PLSCR1: variants seen among roughly 807,000 people sequenced by gnomAD.
The protein encoded by PLSCR1 is PL scramblase 1.
Under a neutral mutation model 37.8 loss-of-function variants are expected in PLSCR1, and 17 were observed. The ratio of observed to expected loss-of-function variants is 0.45; its 90% CI spans 0.31 to 0.68. The LOEUF (loss-of-function observed/expected upper bound fraction) is 0.68, where lower values mean the gene tolerates loss of function less well. Ranked by LOEUF, PLSCR1 falls within the 30% of genes least tolerant of loss-of-function variation. The probability of loss-of-function intolerance (pLI) is 0.06; values close to 1 mark genes in which losing one functional copy is unlikely to be tolerated. For missense variants in PLSCR1, 347 were observed against 380.9 expected, an observed-to-expected ratio of 0.91 and a Z score of 0.74; for synonymous variants, 116 against 125.9, an observed-to-expected ratio of 0.92 and a Z score of 0.53.
intron 1 of PLSCR1, among the ~76,000 whole-genome samples, chr3:146,541,645 A>G (rs78709887): frequency 0.049 from 7,411 of 152,280 alleles, 213 homozygotes; most frequent in African/African-American, 0.059. Context: ...TTTCTTATGT[A>G]AGACAGAAAA....
At chr3:146,537,268 C>T (rs1212159577) in intron 1 of PLSCR1, among the ~76,000 whole-genome samples, 2 of 152,148 alleles carry the variant, frequency 1.3e-5, no homozygotes, top group Non-Finnish European at 2.9e-5. Context: ...CTTCCAGTGC[C>T]TTGATCCGAT....
At chr3:146,528,236 G>C (rs1325741261) in intron 4 of PLSCR1, 2 of 193,746 alleles carry the variant, frequency 1.0e-5, no homozygotes, top group Non-Finnish European at 2.1e-5. Context: ...TCACCCCAGA[G>C]TGAGCTATAT....
chr3:146,520,896 T>A (rs1295694644), intron 7 of PLSCR1, among the ~76,000 whole-genome samples: 2 of 152,166 alleles, frequency 1.3e-5, no homozygotes, highest in African/African-American at 4.8e-5. Context: ...TTTAAACATT[T>A]GCAATGAAAA....
intron 1 of PLSCR1, 59 bp from the exon 2 acceptor site, chr3:146,536,624 A>T (rs751789260): frequency 1.7e-5 from 17 of 978,294 alleles, no homozygotes; most frequent in Non-Finnish European, 2.6e-5. Context: ...CAAATATAAC[A>T]GTTGAATCGG....
chr3:146,520,900 A>G (rs2044009339), intron 7 of PLSCR1, among the ~76,000 whole-genome samples: 1 of 152,200 alleles, frequency 6.6e-6, no homozygotes, highest in South Asian at 2.1e-4. Flanking sequence ...AACATTTGCA[A>G]TGAAAAAATT....
intron 7 of PLSCR1, among the ~76,000 whole-genome samples, chr3:146,519,006 G>A (rs2043983196): frequency 6.6e-6 from 1 of 152,078 alleles, no homozygotes; most frequent in Non-Finnish European, 1.5e-5. Flanking sequence ...TAGGATCTAG[G>A]TATGTAGCAA....
In PLSCR1 at chr3:146,517,439, C is replaced by T. The variant is rs1242214001; in HGVS notation, c.739-272G>A. On this transcript the variant is annotated intron_variant, in intron 7 of 8. Transcript: ENST00000342435. The stretch of plus-strand genomic sequence containing the variant: ...ACATTAATAAATTATTTGAATTGAC[C>T]CAAAAGAAAATTTAAGCAAAAAAGG... The T allele has an allele frequency of 2.3e-5, 4 of 173,482 alleles. No homozygotes were observed. The East Asian group carries it at 4.2e-4, about 18-fold the overall frequency. 10.7% of individuals were successfully genotyped at this position (173,482 alleles called of 1,614,324 possible).
chr3:146,542,154 T>C (rs944265236), intron 1 of PLSCR1, among the ~76,000 whole-genome samples: 8 of 152,306 alleles, frequency 5.3e-5, no homozygotes, highest in African/African-American at 1.9e-4. Context: ...GAGCAACACC[T>C]TATTCCACAC....
At chr3:146,535,565 T>C (rs2044255561) in intron 2 of PLSCR1, among the ~76,000 whole-genome samples, 2 of 152,226 alleles carry the variant, frequency 1.3e-5, no homozygotes. Context: ...CACACACATA[T>C]ACACATTTTA....
chr3:146,525,948 C>A (rs2108637118), intron 4 of PLSCR1, among the ~76,000 whole-genome samples: 1 of 151,450 alleles, frequency 6.6e-6, no homozygotes, highest in Admixed American at 6.6e-5. Flanking sequence ...CTTTGGGAGG[C>A]CAAAGTGGGC....
At chr3:146,525,002 C>G (rs2044087054) in intron 5 of PLSCR1, among the ~76,000 whole-genome samples, 2 of 152,028 alleles carry the variant, frequency 1.3e-5, no homozygotes, top group African/African-American at 4.8e-5. Context: ...AATTGGCTTC[C>G]TAGGTTTATT....
At chr3:146,541,088 C>G (rs545677412) in intron 1 of PLSCR1, 1 of 151,964 alleles carries the variant, frequency 6.6e-6, no homozygotes, top group Admixed American at 6.6e-5. Context: ...TTGTAAGATA[C>G]GGGATGAAAC....
At chr3:146,539,006 G>A (rs910637321) in intron 1 of PLSCR1, among the ~76,000 whole-genome samples, 1 of 152,180 alleles carries the variant, frequency 6.6e-6, no homozygotes, top group African/African-American at 2.4e-5. Flanking sequence ...CAGTGAAGCA[G>A]GGGATGGTTT....
intron 7 of PLSCR1, among the ~76,000 whole-genome samples, chr3:146,519,123 T>TA (rs1384323301): frequency 6.6e-6 from 1 of 152,102 alleles, no homozygotes; most frequent in Non-Finnish European, 1.5e-5. Flanking sequence ...AATTTTCATG[T>TA]AAAAAAACTA....
intron 1 of PLSCR1, among the ~76,000 whole-genome samples, chr3:146,540,463 T>C (rs867838780): frequency 6.6e-6 from 1 of 152,160 alleles, no homozygotes; most frequent in Non-Finnish European, 1.5e-5. Context: ...ACAGTGAAAC[T>C]CTTTTGACCC....
rs1268692845 is a variant in PLSCR1 at position 146,521,976 on chromosome 3, C to T, written c.433G>A (p.Asp145Asn). Residue 145 changes from aspartate to asparagine, a missense_variant, in exon 6 of 9, where the codon GAT becomes AAT. Transcript: ENST00000342435. Reference sequence around the variant, plus strand: ...CAATTTCGGGTACAGCAATCAGTATCTTCCGCTGCAAAGTAAACCCTCTGT... The same window carrying T: ...CAATTTCGGGTACAGCAATCAGTATTTTCCGCTGCAAAGTAAACCCTCTGT... ...FGQRVYFAAE[D>N]TDCCTRNCCG... is the part of the protein sequence containing the mutation. 3 of 1,613,070 alleles carry T rather than the reference C, an allele frequency of 1.9e-6. No individual in the cohort carries two copies. In the African/African-American group the frequency reaches 4.0e-5, roughly 22 times the overall value.
Position 146,521,623 on chromosome 3 carries a change from T to G in PLSCR1, c.659A>C (p.Gln220Pro). ...WHPCLPKFTI[Q>P]NEKREDVLKI... The stretch of plus-strand genomic sequence containing the variant: ...TAGTACATCCTCTCTTTTCTCATTT[T>G]GAATTGTAAACTTTGGTAGACATGG... The change falls in exon 7 of 9, where the codon CAA becomes CCA. Residue 220 changes from glutamine (Q) to proline (P), a missense_variant. By Grantham distance (76) the Gln-to-Pro change is moderately conservative. Transcript: ENST00000342435. 1 of 1,613,876 alleles carries G rather than the reference T, an allele frequency of 6.2e-7. No individual in the cohort carries two copies. Among genetic ancestry groups the G allele is most frequent in the Non-Finnish European group, 8.5e-7 (1 of 1,179,744 alleles).
intron 1 of PLSCR1, among the ~76,000 whole-genome samples, chr3:146,543,859 G>T (rs1398974924): frequency 6.6e-6 from 1 of 152,170 alleles, no homozygotes; most frequent in African/African-American, 2.4e-5. Flanking sequence ...TGAAGCAGTA[G>T]AGGCCGAATT....
At chr3:146,534,865 G>A (rs1421786486) in intron 2 of PLSCR1, among the ~76,000 whole-genome samples, 2 of 152,062 alleles carry the variant, frequency 1.3e-5, no homozygotes, top group Non-Finnish European at 1.5e-5. Flanking sequence ...GACAGAGCGA[G>A]ACTCCATCTC....
Sources: allele counts gnomAD v4.1 joint callset (sites outside exome capture counted in the v4.1 genomes callset), GRCh38; gene constraint gnomAD v4.1.1; transcripts MANE v1.5; gene names NCBI Gene and HGNC (gene_info 2026-07-23, HGNC 2026-07-21).